RNF20: variants seen among roughly 807,000 people sequenced by gnomAD.
RNF20 encodes the protein ring finger protein 20.
A neutral mutation model predicts 126.2 loss-of-function variants in RNF20; 84 were observed. The observed-to-expected ratio is 0.67, with a 90% CI of 0.56 to 0.80. The LOEUF is 0.80. Ranked by LOEUF, RNF20 falls within the 30% of genes least tolerant of loss-of-function variation. The pLI is 0.00. For synonymous variants in RNF20, 400 were observed against 414.3 expected (o/e 0.97, Z 0.42); for missense variants, 869 against 1,188.2 (o/e 0.73, Z 3.95).
chr9:101,553,725 A>C (rs546806432), intron 13 of RNF20, among the ~76,000 whole-genome samples: 1 of 152,318 alleles, frequency 6.6e-6, no homozygotes, highest in African/African-American at 2.4e-5. Flanking sequence ...CCTATATAAC[A>C]AGTACACAAA....
intron 5 of RNF20, among the ~76,000 whole-genome samples, chr9:101,543,705 A>G (rs1015500331): frequency 2.0e-5 from 3 of 152,246 alleles, no homozygotes; most frequent in Non-Finnish European, 4.4e-5. Context: ...TTCACTAAAC[A>G]TTTATTGAAT....
At chr9:101,542,385 C>A (rs955409105) in intron 5 of RNF20, among the ~76,000 whole-genome samples, 3 of 152,170 alleles carry the variant, frequency 2.0e-5, no homozygotes, top group African/African-American at 7.2e-5. Context: ...GTTTTATGTC[C>A]TCTCAGACTT....
rs948419876 is a variant in RNF20 at position 101,551,792 on chromosome 9, C to T, written c.1381C>T (p.Gln461Ter). Reference sequence around the variant, plus strand: ...TGAAATGCTGAGGATAGAATTTGAGCAGACCCTTGCTGCCAATGAACAAGC... The same window carrying T: ...TGAAATGCTGAGGATAGAATTTGAGTAGACCCTTGCTGCCAATGAACAAGC... ...EYEMLRIEFE[Q>*]TLAANEQAGP... Residue 461 changes from glutamine (Q) to a stop codon, truncating the protein, a stop_gained, in exon 11 of 20, where the codon CAG becomes TAG. Transcript: ENST00000389120. LOFTEE classifies it high-confidence loss of function. 1 of 1,611,138 alleles carries T rather than the reference C, an allele frequency of 6.2e-7. No individual in the cohort carries two copies. The highest frequency in any genetic ancestry group is 8.5e-7 in the Non-Finnish European group (1 of 1,179,156).
Position 101,560,847 on chromosome 9 carries a change from A to AT in RNF20, c.2430dup (p.Leu811SerfsTer16). ...GTAAGGAAACTGGAAGAGAAGGAGC[A>AT]TCTGTTACAGAGCAACATTGGCACA... On this transcript the variant is annotated frameshift_variant, in exon 17 of 20. Coordinates refer to ENST00000389120, the MANE Select transcript of RNF20 (RefSeq NM_019592.7). LOFTEE classifies it high-confidence loss of function. 1 of 1,613,556 alleles carries AT rather than the reference A, an allele frequency of 6.2e-7. No homozygotes were observed. Among genetic ancestry groups the AT allele is most frequent in the Non-Finnish European group, 8.5e-7 (1 of 1,179,572 alleles).
intron 16 of RNF20, among the ~76,000 whole-genome samples, chr9:101,558,691 T>C (rs1827576950): frequency 1.3e-5 from 2 of 152,210 alleles, no homozygotes; most frequent in South Asian, 4.1e-4. Context: ...TCGTTGGCCA[T>C]TTGTATATAT....
intron 8 of RNF20, 37 bp downstream of exon 8, chr9:101,547,251 T>C: frequency 1.2e-6 from 2 of 1,609,940 alleles, no homozygotes; most frequent in Non-Finnish European, 1.7e-6. Context: ...TTGGACTGTA[T>C]GTCAGCTTTC....
At position 101,540,563 on chromosome 9, in the gene RNF20, G is replaced by A. The variant is rs1827245229; in HGVS notation, c.371G>A (p.Arg124Gln). The change falls in exon 4 of 20, where the codon CGA (arginine) becomes CAA (glutamine). Residue 124 changes from arginine to glutamine, a missense_variant. By Grantham distance (43) the Arg-to-Gln change is conservative (BLOSUM62 1). Coordinates refer to ENST00000389120, the MANE Select transcript of RNF20 (RefSeq NM_019592.7). Reference protein sequence around the residue: ...EQGLGDLLTERKALVVPEPEP... With the variant: ...EQGLGDLLTEQKALVVPEPEP... Reference sequence around the variant, plus strand: ...GGCTTGGGAGACCTACTCACAGAACGAAAAGCCCTTGTTGTGCCTGAACCA... The same window carrying A: ...GGCTTGGGAGACCTACTCACAGAACAAAAAGCCCTTGTTGTGCCTGAACCA... 1.2e-6 allele frequency: 2 copies of A among 1,613,958 alleles called. No individual in the cohort carries two copies.
At chr9:101,549,663 G>T (rs376072626) in intron 9 of RNF20, among the ~76,000 whole-genome samples, 8 of 152,230 alleles carry the variant, frequency 5.3e-5, no homozygotes, top group African/African-American at 1.9e-4. Context: ...GGTCCACCTG[G>T]TAACGGGCGT....
At chr9:101,555,192 T>C (rs1240599417) in intron 15 of RNF20, among the ~76,000 whole-genome samples, 1 of 151,958 alleles carries the variant, frequency 6.6e-6, no homozygotes, top group Non-Finnish European at 1.5e-5. Flanking sequence ...CATAAGATTT[T>C]ATATACATTA....
intron 12 of RNF20, 23 bp from the exon 13 acceptor site, chr9:101,552,360 C>T: frequency 6.2e-7 from 1 of 1,606,636 alleles, no homozygotes; most frequent in Non-Finnish European, 8.5e-7. Context: ...AGATGTGCAT[C>T]TTTCTTTTCT....
Position 101,535,538 on chromosome 9 carries a change from G to A in RNF20, c.115G>A (p.Gly39Ser), listed in dbSNP as rs777624399. The change falls in exon 2 of 20, where the codon GGT (glycine) becomes AGT (serine). Residue 39 changes from glycine to serine, a missense_variant. This residue lies in a region of RNF20 where 157 missense variants were observed against 236.0 expected (regional missense o/e 0.67). Transcript: ENST00000389120. ...CACAGTGGAAACAATTAAGCTAGGA[G>A]GTGTCTCTTCAACGGTATGAGGAAA... is the stretch of plus-strand genomic sequence containing the variant. The part of the protein sequence containing the change: ...GTTVETIKLG[G>S]VSSTEELDIR... The A allele has an allele frequency of 6.2e-7, 1 of 1,613,060 alleles. No homozygotes were observed. The highest frequency in any genetic ancestry group is 8.5e-7 in the Non-Finnish European group (1 of 1,179,442).
chr9:101,540,765 GCTT>G (rs1827248995), intron 4 of RNF20, 25 bp from the exon 5 acceptor site: 6 of 1,593,836 alleles, frequency 3.8e-6, no homozygotes, highest in African/African-American at 1.4e-5. Context: ...ATTTTGGGGG[GCTT>G]CTTTTTTTCC....
Position 101,561,165 on chromosome 9 carries a change from C to T in RNF20, c.2584C>T (p.Gln862Ter). The T allele has an allele frequency of 6.2e-7, 1 of 1,613,930 alleles. No individual in the cohort carries two copies. Among genetic ancestry groups the T allele is most frequent in the Non-Finnish European group, 8.5e-7 (1 of 1,179,846 alleles). Residue 862 changes from glutamine to a stop codon, truncating the protein, a stop_gained, in exon 18 of 20, where the codon CAG becomes TAG. Transcript: ENST00000389120. LOFTEE classifies it high-confidence loss of function. ...GGCTCAGAAGAAGCTACATGATTTT[C>T]AGGATGAGATCGTGGAGAACAGTGT... ...ELAQKKLHDF[Q>*]DEIVENSVTK...
chr9:101,544,384 A>G (rs1827313894), intron 5 of RNF20, among the ~76,000 whole-genome samples: 1 of 152,194 alleles, frequency 6.6e-6, no homozygotes, highest in South Asian at 2.1e-4. Context: ...GAGCTGCTAT[A>G]CCTGGCCAAG....
chr9:101,558,503 A>G (rs1827572890), intron 16 of RNF20, among the ~76,000 whole-genome samples: 1 of 152,130 alleles, frequency 6.6e-6, no homozygotes, highest in African/African-American at 2.4e-5. Context: ...TAGTGATTGT[A>G]CTAGTTTACA....
At chr9:101,552,950 C>T (rs930067542) in intron 13 of RNF20, among the ~76,000 whole-genome samples, 197 bp downstream of exon 13, 2 of 152,014 alleles carry the variant, frequency 1.3e-5, no homozygotes, top group Admixed American at 6.6e-5. Flanking sequence ...GTTCAGTGAT[C>T]GAGTATCAGC....
rs1254465084 is a variant in RNF20 at position 101,561,900 on chromosome 9, C to T, written c.2650-10C>T. The T allele has an allele frequency of 2.5e-6, 4 of 1,589,774 alleles. No individual in the cohort carries two copies. The highest frequency in any genetic ancestry group is 3.5e-6 in the Non-Finnish European group (4 of 1,158,008). On this transcript the variant is annotated splice_polypyrimidine_tract_variant and intron_variant, in intron 18 of 19. Coordinates refer to ENST00000389120, the MANE Select transcript of RNF20 (RefSeq NM_019592.7). ...TAAGTGTGTCTAATGGGTATGCTAT[C>T]CTGCCACAGGAGGACATCTCTAGAC... is the stretch of plus-strand genomic sequence containing the variant.
At chr9:101,554,656 T>C in intron 14 of RNF20, 38 bp from the exon 15 acceptor site, 2 of 1,587,206 alleles carry the variant, frequency 1.3e-6, no homozygotes, top group Non-Finnish European at 1.7e-6. Flanking sequence ...AAATGTGTTA[T>C]AACTTTTTAT....
In RNF20 at chr9:101,535,525, A is replaced by T. The variant is rs755905643; in HGVS notation, c.102A>T (p.Thr34=). The change falls in exon 2 of 20, where the codon ACA becomes ACT. Residue 34 remains threonine (T), a synonymous_variant. Coordinates refer to ENST00000389120, the MANE Select transcript of RNF20 (RefSeq NM_019592.7). ...AAGATTCAGGGACCACAGTGGAAAC[A>T]ATTAAGCTAGGAGGTGTCTCTTCAA... ...AVEDSGTTVE[T]IKLGGVSSTE... 6.2e-7 allele frequency: 1 copy of T among 1,613,624 alleles called. No individual in the cohort carries two copies. The highest frequency in any genetic ancestry group is 1.1e-5 in the South Asian group (1 of 91,028).
Sources: allele counts gnomAD v4.1 joint callset (sites outside exome capture counted in the v4.1 genomes callset), GRCh38; gene constraint gnomAD v4.1.1; regional missense constraint gnomAD v4.1.1; transcripts MANE v1.5; gene names NCBI Gene and HGNC (gene_info 2026-07-23, HGNC 2026-07-21).